Variants in PALB2 observed in about 807,000 individuals in gnomAD.
The protein encoded by PALB2 is mutant partner and localizer of BRCA2.
Under a neutral mutation model 107.4 loss-of-function variants are expected in PALB2, and 82 were observed. The observed-to-expected ratio is 0.76, with a 90% CI of 0.64 to 0.92. PALB2 has a LOEUF of 0.92. Ranked by LOEUF, PALB2 falls within the 40% of genes least tolerant of loss-of-function variation. PALB2 has a pLI of 0.00. For synonymous variants in PALB2, 489 were observed against 496.8 expected, an observed-to-expected ratio of 0.98 and a Z score of 0.21; for missense variants, 1,374 against 1,379.9, an observed-to-expected ratio of 1.00 and a Z score of 0.07.
intron 10 of PALB2, among the ~76,000 whole-genome samples, chr16:23,615,891 T>C (rs1966676579): frequency 6.6e-6 from 1 of 152,108 alleles, no homozygotes; most frequent in South Asian, 2.1e-4. Flanking sequence ...CTCAAACTCC[T>C]GACCTCAGGT....
chr16:23,617,036 T>C lies in PALB2; in HGVS notation c.3114-2945A>G, dbSNP rs964067148. On this transcript the variant is annotated intron_variant, in intron 10 of 12. Transcript: ENST00000261584. ...ACCGTGTTAGCCAGGATGGACTCCA[T>C]CTCCTGACCTCATCGTGATCTGCCC... Among the ~76,000 whole-genome samples the C allele has an allele frequency of 2.6e-5, 4 of 152,086 alleles. No individual in the cohort carries two copies. In the East Asian group the frequency reaches 7.7e-4, roughly 29 times the overall value.
chr16:23,633,461 A>T (rs943913869), intron 4 of PALB2, among the ~76,000 whole-genome samples: 1 of 152,220 alleles, frequency 6.6e-6, no homozygotes. Context: ...TCTAGAAAGT[A>T]TGCTGATCCC....
intron 12 of PALB2, 99 bp from the exon 13 acceptor site, chr16:23,603,768 G>T: frequency 9.2e-7 from 1 of 1,081,950 alleles, no homozygotes; most frequent in South Asian, 1.4e-5. Flanking sequence ...CCAGCAACAG[G>T]AACAAAAATC....
intron 10 of PALB2, among the ~76,000 whole-genome samples, chr16:23,615,044 G>A (rs57187595): frequency 0.033 from 4,991 of 151,022 alleles, 114 homozygotes; most frequent in Middle Eastern, 0.089. Context: ...CACCTCCCAG[G>A]TTCCAGCAAT....
At chr16:23,615,853 C>T (rs917158304) in intron 10 of PALB2, among the ~76,000 whole-genome samples, 6 of 151,492 alleles carry the variant, frequency 4.0e-5, no homozygotes, top group Admixed American at 1.3e-4. Flanking sequence ...TTAGTAGACA[C>T]GGGGTACACC....
In PALB2 at chr16:23,635,151, C is replaced by T. The variant is rs746805049; in HGVS notation, c.1395G>A (p.Met465Ile). 2 of 1,614,190 alleles carry T rather than the reference C, an allele frequency of 1.2e-6. No homozygotes were observed. The highest frequency in any genetic ancestry group is 2.2e-5 in the South Asian group (2 of 91,076). ...NEETDQSEIRMSGTCTGQPSS... is the reference protein window; with the variant it reads ...NEETDQSEIRISGTCTGQPSS... ...TTGGTTGTCCTGTGCATGTGCCAGA[C>T]ATCCTAATTTCACTTTGGTCAGTTT... Residue 465 changes from methionine (M) to isoleucine (I), a missense_variant, in exon 4 of 13, where the codon ATG (methionine) becomes ATA (isoleucine). Met to Ile is a conservative substitution (Grantham distance 10, BLOSUM62 1). Coordinates refer to ENST00000261584, the MANE Select transcript of PALB2 (RefSeq NM_024675.4).
At position 23,607,860 on chromosome 16, in the gene PALB2, T is replaced by C. The variant is rs180177136; in HGVS notation, c.3350+4A>G. 3.1e-6 allele frequency: 5 copies of C among 1,613,762 alleles called. No individual in the cohort carries two copies. The highest frequency in any genetic ancestry group is 1.7e-4 in the Middle Eastern group (1 of 5,894). ...CCCATAGAGTAGCAGTTATGCACAC[T>C]TGCCTGCCAGCCTGCCCTGGAGGAA... On this transcript the variant is annotated splice_donor_region_variant and intron_variant, in intron 12 of 12. Transcript: ENST00000261584.
In PALB2 at chr16:23,635,995, C is replaced by G. The variant is rs587780220; in HGVS notation, c.551G>C (p.Ser184Thr). The change falls in exon 4 of 13, where the codon AGC (serine) becomes ACC (threonine). Residue 184 changes from serine (S) to threonine (T), a missense_variant. By Grantham distance (58) the Ser-to-Thr change is moderately conservative (BLOSUM62 1). Transcript: ENST00000261584. ...TACTGGTGATCTAGCAGGATTTTTG[C>G]TACTGATTTCTTCCTGTTCCTTTAG... The part of the protein sequence containing the change: ...KRLKEQEEIS[S>T]KNPARSPVTE... The G allele has an allele frequency of 4.3e-6, 7 of 1,614,126 alleles. No individual in the cohort carries two copies. The highest frequency in any genetic ancestry group is 5.9e-6 in the Non-Finnish European group (7 of 1,180,034).
At position 23,638,084 on chromosome 16, in the gene PALB2, G is replaced by T. The variant is rs151316635; in HGVS notation, c.94C>A (p.Leu32Ile). 6.2e-7 allele frequency: 1 copy of T among 1,614,010 alleles called. No individual in the cohort carries two copies. The highest frequency in any genetic ancestry group is 8.5e-7 in the Non-Finnish European group (1 of 1,179,878). The part of the protein sequence containing the change: ...AFLKREYSKT[L>I]ARLQRAQRAE... ...GATTCACTTACCTGAAGGCGGGCTA[G>T]TGTCTTGCTGTATTCCCTTTTCAAG... Residue 32 changes from leucine (L) to isoleucine (I), a missense_variant, in exon 2 of 13, where the codon CTA (leucine) becomes ATA (isoleucine). Transcript: ENST00000261584.
chr16:23,634,888 T>G lies in PALB2; in HGVS notation c.1658A>C (p.His553Pro). 6.2e-7 allele frequency: 1 copy of G among 1,614,050 alleles called. No individual in the cohort carries two copies. The highest frequency in any genetic ancestry group is 8.5e-7 in the Non-Finnish European group (1 of 1,179,924). Residue 553 changes from histidine (H) to proline (P), a missense_variant, in exon 4 of 13, where the codon CAC becomes CCC. Physicochemically the swap from His to Pro is moderately conservative, Grantham distance 77. Transcript: ENST00000261584. ...KEEVTSHKYQ[H>P]EKLFIQVKGK... Reference sequence around the variant, plus strand: ...TTTCACTTGAATAAATAATTTTTCGTGCTGATATTTGTGTGAGGTGACTTC... The same window carrying G: ...TTTCACTTGAATAAATAATTTTTCGGGCTGATATTTGTGTGAGGTGACTTC...
At position 23,635,390 on chromosome 16, in the gene PALB2, T is replaced by A. The variant is rs148102335; in HGVS notation, c.1156A>T (p.Thr386Ser). The A allele has an allele frequency of 6.2e-7, 1 of 1,613,904 alleles. No homozygotes were observed. The highest frequency in any genetic ancestry group is 1.3e-5 in the African/African-American group (1 of 74,900). ...SQPKSLSLEATSPLSAEKHSC... is the reference protein window; with the variant it reads ...SQPKSLSLEASSPLSAEKHSC... ...TGTTTTTCTGCAGAAAGAGGAGAGG[T>A]TGCTTCCAGGCTAAGACTCTTAGGT... The change falls in exon 4 of 13, where the codon ACC becomes TCC. Residue 386 changes from threonine to serine, a missense_variant. Coordinates refer to ENST00000261584, the MANE Select transcript of PALB2 (RefSeq NM_024675.4).
intron 10 of PALB2, among the ~76,000 whole-genome samples, chr16:23,618,432 G>A (rs975056247): frequency 1.3e-5 from 2 of 152,296 alleles, no homozygotes; most frequent in African/African-American, 4.8e-5. Flanking sequence ...GAGGAAAGGA[G>A]GACGGCAGAG....
Position 23,603,313 on chromosome 16 carries a change from T to A in PALB2, c.*146A>T, listed in dbSNP as rs1005933814. 3.0e-6 allele frequency: 2 copies of A among 674,634 alleles called. No homozygotes were observed. Among genetic ancestry groups the A allele is most frequent in the East Asian group, 5.5e-5 (2 of 36,620 alleles). The allele number at this position is 674,634 out of a possible 1,614,324, so 41.8% of individuals were successfully genotyped here. ...ACATCCAAGATCAGTGGTGCTACCA[T>A]CATTAGAATAAAAAATAAGTCTGTC... On this transcript the variant is annotated 3_prime_UTR_variant, in exon 13 of 13. Coordinates refer to ENST00000261584, the MANE Select transcript of PALB2 (RefSeq NM_024675.4).
chr16:23,629,177 G>C (rs747873062), intron 6 of PALB2, 27 bp downstream of exon 6: 2 of 1,564,654 alleles, frequency 1.3e-6, no homozygotes, highest in East Asian at 4.5e-5. Context: ...TAAGACACGA[G>C]ACACTGGAAG....
At chr16:23,626,109 G>A in intron 7 of PALB2, 127 bp downstream of exon 7, 1 of 1,087,458 alleles carries the variant, frequency 9.2e-7, no homozygotes, top group Admixed American at 2.0e-5. Flanking sequence ...ATAATAAAAT[G>A]TTGGGAAAAA....
Position 23,626,304 on chromosome 16 carries a change from C to T in PALB2, c.2680G>A (p.Val894Ile), listed in dbSNP as rs1483164486. The T allele has an allele frequency of 1.2e-6, 2 of 1,614,178 alleles. No individual in the cohort carries two copies. The highest frequency in any genetic ancestry group is 1.1e-5 in the South Asian group (1 of 91,086). Residue 894 changes from valine (V) to isoleucine (I), a missense_variant, in exon 7 of 13, where the codon GTA becomes ATA. Val to Ile is a conservative substitution (Grantham distance 29). Coordinates refer to ENST00000261584, the MANE Select transcript of PALB2 (RefSeq NM_024675.4). ...TCCAGAGCTTTCCAAAGAGAAACTA[C>T]ATCTTCGCAAGCAGTTATGATACAT... ...EPCIITACEDVVSLWKALDAW... is the reference protein window; with the variant it reads ...EPCIITACEDIVSLWKALDAW...
chr16:23,615,140 G>C (rs1283151470), intron 10 of PALB2, among the ~76,000 whole-genome samples: 1 of 150,814 alleles, frequency 6.6e-6, no homozygotes, highest in Non-Finnish European at 1.5e-5. Context: ...GTAGAGGCAG[G>C]GTTTCACCAG....
intron 10 of PALB2, among the ~76,000 whole-genome samples, chr16:23,619,853 C>T (rs1195063489): frequency 5.3e-5 from 8 of 152,040 alleles, no homozygotes; most frequent in Non-Finnish European, 2.9e-5. Flanking sequence ...AATCTTGACT[C>T]ACTGCAACCT....
intron 5 of PALB2, 127 bp downstream of exon 5, chr16:23,629,513 T>C: frequency 9.9e-7 from 1 of 1,009,744 alleles, no homozygotes; most frequent in Non-Finnish European, 1.5e-6. Flanking sequence ...AATGAAATCA[T>C]ATCAAAGAAA....
Sources: gnomAD v4.1 joint callset for allele counts (sites outside exome capture counted in the v4.1 genomes callset) on GRCh38, gnomAD v4.1.1 for gene constraint, MANE v1.5 for transcripts, NCBI Gene and HGNC (gene_info 2026-07-23, HGNC 2026-07-21) for gene names.